The following SLC27A2 variants were observed in gnomAD, a reference collection of about 807,000 sequenced individuals.
SLC27A2 encodes the protein long-chain fatty acid transport protein 2.
Under a neutral mutation model 60.0 loss-of-function variants are expected in SLC27A2, and 54 were observed. The ratio of observed to expected loss-of-function variants is 0.90; its 90% confidence interval spans 0.72 to 1.13. The LOEUF is 1.13. Ranked by LOEUF, SLC27A2 falls within the 50% of genes most tolerant of loss-of-function variation. SLC27A2 has a pLI of 0.00. For synonymous variants in SLC27A2, 297 were observed against 297.6 expected (o/e 1.00, Z 0.02); for missense variants, 739 against 777.6 (o/e 0.95, Z 0.59).
At chr15:50,214,111 A>G (rs2045178395) in intron 4 of SLC27A2, among the ~76,000 whole-genome samples, 1 of 152,178 alleles carries the variant, frequency 6.6e-6, no homozygotes, top group Non-Finnish European at 1.5e-5. Flanking sequence ...AACCTCACTA[A>G]GAAACAAAAC....
At chr15:50,215,383 T>A (rs189034777) in intron 4 of SLC27A2, among the ~76,000 whole-genome samples, 1 of 152,080 alleles carries the variant, frequency 6.6e-6, no homozygotes, top group Admixed American at 6.5e-5. Context: ...AAAATGACCA[T>A]ACTGCCAAAA....
intron 4 of SLC27A2, among the ~76,000 whole-genome samples, chr15:50,206,470 G>T (rs1163353949): frequency 6.6e-6 from 1 of 152,162 alleles, no homozygotes; most frequent in Non-Finnish European, 1.5e-5. Flanking sequence ...GTGTGACGCA[G>T]AAAGAAGTGT....
At chr15:50,214,135 A>G (rs1278555171) in intron 4 of SLC27A2, among the ~76,000 whole-genome samples, 1 of 152,164 alleles carries the variant, frequency 6.6e-6, no homozygotes, top group Non-Finnish European at 1.5e-5. Flanking sequence ...AGATATTACA[A>G]CTAACACCAC....
intron 4 of SLC27A2, among the ~76,000 whole-genome samples, chr15:50,222,438 C>T (rs1377112061): frequency 6.6e-6 from 1 of 152,180 alleles, no homozygotes; most frequent in Non-Finnish European, 1.5e-5. Flanking sequence ...CTGTCGCTCA[C>T]TGGACTGTGT....
Position 50,189,037 on chromosome 15 carries a change from A to AGATG in SLC27A2, c.478+6132_478+6133insGATG, listed in dbSNP as rs1287603618. Among the ~76,000 whole-genome samples, 179 of 143,284 alleles carry AGATG rather than the reference A, an allele frequency of 1.2e-3. 1 individual carries two copies. Among genetic ancestry groups the AGATG allele is most frequent in the African/African-American group, 4.6e-3 (175 of 37,926 alleles). 94.0% of individuals were successfully genotyped at this position (143,284 alleles called of 152,430 possible). On this transcript the variant is annotated intron_variant, in intron 1 of 9. Transcript: ENST00000267842. ...TAGATAGATAGATAGATGCATACAA[A>AGATG]CATACATACATACATACATACATAA... is the stretch of plus-strand genomic sequence containing the variant.
At chr15:50,218,246 G>C (rs1428253821) in intron 4 of SLC27A2, among the ~76,000 whole-genome samples, 1 of 152,028 alleles carries the variant, frequency 6.6e-6, no homozygotes, top group Non-Finnish European at 1.5e-5. Flanking sequence ...AGAAAAGTTG[G>C]AAGATAAAGC....
chr15:50,230,032 G>A (rs978635185), intron 8 of SLC27A2, among the ~76,000 whole-genome samples: 3 of 149,658 alleles, frequency 2.0e-5, no homozygotes, highest in Non-Finnish European at 4.4e-5. Context: ...TCAGGAGATC[G>A]AGAGTATACT....
At chr15:50,197,797 A>G (rs1443311609) in intron 2 of SLC27A2, 88 bp downstream of exon 2, 1 of 893,902 alleles carries the variant, frequency 1.1e-6, no homozygotes, top group Non-Finnish European at 1.8e-6. Flanking sequence ...CTTTGGCAAA[A>G]CGTATTGGGT....
chr15:50,194,725 G>A (rs558627812), intron 1 of SLC27A2, among the ~76,000 whole-genome samples: 2 of 152,050 alleles, frequency 1.3e-5, no homozygotes, highest in Admixed American at 6.5e-5. Context: ...TACCACTCCC[G>A]TTTCTACAAC....
intron 4 of SLC27A2, among the ~76,000 whole-genome samples, chr15:50,215,073 A>T (rs904391857): frequency 6.6e-6 from 1 of 151,986 alleles, no homozygotes; most frequent in Non-Finnish European, 1.5e-5. Flanking sequence ...ACTCTTAAGG[A>T]CTCCTCTAGA....
intron 1 of SLC27A2, among the ~76,000 whole-genome samples, chr15:50,186,970 C>T (rs1184391671): frequency 6.6e-6 from 1 of 152,200 alleles, no homozygotes; most frequent in Non-Finnish European, 1.5e-5. Context: ...AGCTCTTGAG[C>T]TCCATCTGTC....
Position 50,182,201 on chromosome 15 carries a change from T to C in SLC27A2, c.-227T>C. On this transcript the variant is annotated 5_prime_UTR_variant, in exon 1 of 10. Transcript: ENST00000267842. ...GGGGGCGGGCTCAGCCGGCCAGTCC[T>C]GCCCGGAACCCCCGGCAACGCGCAT... The C allele has an allele frequency of 3.5e-6, 2 of 574,054 alleles. No individual in the cohort carries two copies. Among genetic ancestry groups the C allele is most frequent in the Non-Finnish European group, 5.0e-6 (2 of 397,564 alleles). 35.6% of individuals were successfully genotyped at this position (574,054 alleles called of 1,614,324 possible).
At chr15:50,194,211 G>A (rs771606786) in intron 1 of SLC27A2, among the ~76,000 whole-genome samples, 12 of 152,010 alleles carry the variant, frequency 7.9e-5, no homozygotes, top group African/African-American at 2.4e-4. Context: ...TTGTAAATAC[G>A]GGCTCCTATG....
intron 8 of SLC27A2, among the ~76,000 whole-genome samples, chr15:50,232,608 A>G (rs1422536276): frequency 6.6e-6 from 1 of 152,044 alleles, no homozygotes; most frequent in Non-Finnish European, 1.5e-5. Flanking sequence ...GAGACCTGAC[A>G]GGCCCATTTG....
In SLC27A2 at chr15:50,225,995, T is replaced by C. The variant is rs1204583330; in HGVS notation, c.1175T>C (p.Ile392Thr). 6.3e-7 allele frequency: 1 copy of C among 1,579,324 alleles called. No individual in the cohort carries two copies. The highest frequency in any genetic ancestry group is 1.1e-5 in the South Asian group (1 of 88,164). ...GRVNYLQKKI[I>T]TYDLIKYDVE... ...TTATTTTAATCTTGCTAGAAAATCA[T>C]AACTTATGACCTGATTAAATATGAT... Residue 392 changes from isoleucine to threonine, a missense_variant, in exon 6 of 10, where the codon ATA becomes ACA. By Grantham distance (89) the Ile-to-Thr change is moderately conservative. Transcript: ENST00000267842.
At chr15:50,184,620 G>A (rs1366150563) in intron 1 of SLC27A2, among the ~76,000 whole-genome samples, 1 of 151,990 alleles carries the variant, frequency 6.6e-6, no homozygotes, top group Non-Finnish European at 1.5e-5. Context: ...TGGATCACTT[G>A]AGGTTAGGAG....
chr15:50,205,506 T>C, intron 4 of SLC27A2, 143 bp downstream of exon 4: 1 of 697,874 alleles, frequency 1.4e-6, no homozygotes, highest in Non-Finnish European at 2.2e-6. Flanking sequence ...TACTTGGCAC[T>C]ATACCTACCA....
chr15:50,236,110 G>T lies in SLC27A2; in HGVS notation c.*14G>T. The T allele has an allele frequency of 6.5e-6, 10 of 1,545,226 alleles. No homozygotes were observed. Among genetic ancestry groups the T allele is most frequent in the Non-Finnish European group, 8.8e-6 (10 of 1,138,030 alleles). ...CTGAAACTCTGAATATTCCCAGGAGGATAACTCAACATTTCCAGAAAGAAA... is the reference window on the plus strand; with the variant it reads ...CTGAAACTCTGAATATTCCCAGGAGTATAACTCAACATTTCCAGAAAGAAA... On this transcript the variant is annotated 3_prime_UTR_variant, in exon 10 of 10. Transcript: ENST00000267842.
chr15:50,188,977 AG>A (rs2044949149), intron 1 of SLC27A2, among the ~76,000 whole-genome samples: 2 of 115,460 alleles, frequency 1.7e-5, no homozygotes, highest in South Asian at 3.1e-4. Flanking sequence ...ATAGATAGAT[AG>A]ATAAATAGAT....
Sources: allele counts gnomAD v4.1 joint callset (sites outside exome capture counted in the v4.1 genomes callset), GRCh38; gene constraint gnomAD v4.1.1; transcripts MANE v1.5; gene names NCBI Gene and HGNC (gene_info 2026-07-23, HGNC 2026-07-21).